Variants in RPTOR observed in about 807,000 individuals in gnomAD.
The protein encoded by RPTOR is regulatory-associated protein of mTOR.
RPTOR carries 21 observed loss-of-function variants against 169.9 expected under a neutral mutation model. The ratio of observed to expected loss-of-function variants is 0.12; its 90% confidence interval spans 0.09 to 0.18. RPTOR has a LOEUF of 0.18. RPTOR is among the 10% of genes least tolerant of loss of function. The probability of loss-of-function intolerance (pLI) is 1.00; values close to 1 mark genes in which losing one functional copy is unlikely to be tolerated. For synonymous variants in RPTOR, 732 were observed against 753.2 expected (o/e 0.97, Z 0.46); for missense variants, 1,133 against 1,855.9 (o/e 0.61, Z 7.16).
chr17:80,922,159 C>A (rs533804421), intron 21 of RPTOR, among the ~76,000 whole-genome samples: 1 of 152,202 alleles, frequency 6.6e-6, no homozygotes, highest in African/African-American at 2.4e-5. Context: ...CCGTGCCCAC[C>A]GGCCAGGTCC....
chr17:80,964,242 C>T lies in RPTOR; in HGVS notation c.3940-20C>T. The T allele has an allele frequency of 6.2e-7, 1 of 1,600,012 alleles. No individual in the cohort carries two copies. Among genetic ancestry groups the T allele is most frequent in the East Asian group, 2.2e-5 (1 of 44,806 alleles). On this transcript the variant is annotated intron_variant, in intron 33 of 33. Coordinates refer to ENST00000306801, the MANE Select transcript of RPTOR (RefSeq NM_020761.3). ...CTGCCCGCACCTGAACCCCTGCTCA[C>T]CCCTTCTCTCTCCTTGCAGCCTCAC...
chr17:80,643,959 G>A (rs974790558), intron 3 of RPTOR, 149 bp downstream of exon 3: 2 of 622,144 alleles, frequency 3.2e-6, no homozygotes, highest in African/African-American at 1.8e-5. Context: ...TCGTGTGCCT[G>A]CGTTCTGCCT....
At chr17:80,833,152 G>A (rs2067525502) in intron 9 of RPTOR, among the ~76,000 whole-genome samples, 1 of 152,212 alleles carries the variant, frequency 6.6e-6, no homozygotes, top group Non-Finnish European at 1.5e-5. Context: ...AGGCTGTGCG[G>A]ACTTGGACTT....
intron 28 of RPTOR, among the ~76,000 whole-genome samples, chr17:80,952,860 T>C (rs1194577315): frequency 1.7e-4 from 2 of 11,508 alleles, no homozygotes; most frequent in Non-Finnish European, 4.7e-4. Flanking sequence ...TTCTTCTTTT[T>C]TTTTTTTTTT....
chr17:80,630,746 T>TA (rs1447318738), intron 2 of RPTOR, among the ~76,000 whole-genome samples: 3 of 152,318 alleles, frequency 2.0e-5, no homozygotes, highest in African/African-American at 7.2e-5. Flanking sequence ...CCTCGTGCAT[T>TA]AGGGTGGGTA....
intron 2 of RPTOR, among the ~76,000 whole-genome samples, chr17:80,635,593 GA>G (rs1168588363): frequency 6.6e-6 from 1 of 152,110 alleles, no homozygotes; most frequent in East Asian, 1.9e-4. Context: ...GGTGGGAGAA[GA>G]GGGCTCATTG....
chr17:80,774,537 C>G (rs1035782429), intron 6 of RPTOR, among the ~76,000 whole-genome samples: 1 of 152,166 alleles, frequency 6.6e-6, no homozygotes, highest in African/African-American at 2.4e-5. Context: ...AACAGGAGCC[C>G]GGATCTTCTG....
chr17:80,918,926 T>C (rs1196606387), intron 21 of RPTOR, among the ~76,000 whole-genome samples: 2 of 152,028 alleles, frequency 1.3e-5, no homozygotes, highest in Non-Finnish European at 2.9e-5. Flanking sequence ...TCCTTGGCCA[T>C]CTCACCATCC....
At chr17:80,841,287 G>GCTCACTCTCACTACACGGCAC (rs1199454277) in intron 10 of RPTOR, among the ~76,000 whole-genome samples, 343 of 5,736 alleles carry the variant, frequency 0.06, 114 homozygotes, top group Admixed American at 0.13. Context: ...CCGCACGGCA[G>GCTCACTCTCACTACACGGCAC]CTCACTCTCA....
At chr17:80,858,319 C>G (rs1473125436) in intron 13 of RPTOR, among the ~76,000 whole-genome samples, 2 of 152,234 alleles carry the variant, frequency 1.3e-5, no homozygotes, top group African/African-American at 4.8e-5. Context: ...CTGTGCCCAC[C>G]ATTGCATTTC....
chr17:80,600,521 G>A (rs2065177447), intron 1 of RPTOR, among the ~76,000 whole-genome samples: 1 of 152,186 alleles, frequency 6.6e-6, no homozygotes, highest in Non-Finnish European at 1.5e-5. Flanking sequence ...AGGTGCTGGC[G>A]CTGTGTGCCT....
rs1238086757 is a variant in RPTOR at position 80,943,574 on chromosome 17, C to T, written c.3026-2093C>T. On this transcript the variant is annotated intron_variant, in intron 25 of 33. Coordinates refer to ENST00000306801, the MANE Select transcript of RPTOR (RefSeq NM_020761.3). The stretch of plus-strand genomic sequence containing the variant: ...GGGCGCCAACTTCTGTGGCTCCCCC[C>T]GTTGTCCCAGTGTGCAGGCTGGTGG... 4.6e-5 allele frequency among the ~76,000 whole-genome samples: 7 copies of T among 152,226 alleles called. No individual in the cohort carries two copies. The East Asian group carries it at 9.6e-4, about 21-fold the overall frequency.
At chr17:80,937,743 C>T (rs2068971616) in intron 24 of RPTOR, among the ~76,000 whole-genome samples, 1 of 152,238 alleles carries the variant, frequency 6.6e-6, no homozygotes, top group Non-Finnish European at 1.5e-5. Flanking sequence ...TGATGAAGAG[C>T]TGCGGTGTCA....
chr17:80,939,154 G>A (rs867370624), intron 24 of RPTOR, among the ~76,000 whole-genome samples: 1 of 152,202 alleles, frequency 6.6e-6, no homozygotes, highest in Admixed American at 6.5e-5. Context: ...GTCTTCACAA[G>A]TCTTAGTTTC....
intron 24 of RPTOR, among the ~76,000 whole-genome samples, chr17:80,930,417 T>C (rs1486568503): frequency 3.2e-4 from 2 of 6,280 alleles, no homozygotes; most frequent in African/African-American, 6.5e-4. Flanking sequence ...CCCCAGCTCA[T>C]CCTCAGCTCA....
At chr17:80,713,450 T>G (rs993509724) in intron 4 of RPTOR, among the ~76,000 whole-genome samples, 1 of 152,208 alleles carries the variant, frequency 6.6e-6, no homozygotes, top group South Asian at 2.1e-4. Context: ...TTTGACGAGT[T>G]TGGACCAGTG....
intron 18 of RPTOR, among the ~76,000 whole-genome samples, chr17:80,892,445 C>T (rs542253648): frequency 1.6e-4 from 24 of 152,378 alleles, no homozygotes; most frequent in African/African-American, 5.8e-4. Flanking sequence ...CGTCACCATG[C>T]ACCTCGTGTG....
At position 80,917,834 on chromosome 17, in the gene RPTOR, C is replaced by T. The variant is rs181009806; in HGVS notation, c.2521-4890C>T. ...GCCCCTCCGGGAATCGTGAGCTCTA[C>T]GTCCAGCCCCTGAAGGCCGTGCTGC... is the stretch of plus-strand genomic sequence containing the variant. On this transcript the variant is annotated intron_variant, in intron 21 of 33. Coordinates refer to ENST00000306801, the MANE Select transcript of RPTOR (RefSeq NM_020761.3). Among the ~76,000 whole-genome samples the T allele has an allele frequency of 1.1e-4, 17 of 152,292 alleles. No homozygotes were observed. The East Asian group carries it at 2.9e-3, about 26-fold the overall frequency.
intron 6 of RPTOR, among the ~76,000 whole-genome samples, chr17:80,755,753 A>AG (rs2066674215): frequency 6.6e-6 from 1 of 151,400 alleles, no homozygotes; most frequent in Admixed American, 6.6e-5. Flanking sequence ...AAAAAAAAAA[A>AG]AAAAAGAAAC....
Sources: gnomAD v4.1 joint callset for allele counts (sites outside exome capture counted in the v4.1 genomes callset) on GRCh38, gnomAD v4.1.1 for gene constraint, MANE v1.5 for transcripts, NCBI Gene and HGNC (gene_info 2026-07-23, HGNC 2026-07-21) for gene names.